Variants in GDAP2 observed in about 807,000 individuals in gnomAD.
GDAP2 encodes the protein ganglioside-induced differentiation-associated protein 2.
GDAP2 carries 51 observed loss-of-function variants against 67.0 expected under a neutral mutation model. That is an observed-to-expected ratio of 0.76 (90% CI 0.61 to 0.96). The LOEUF is 0.96. Ranked by LOEUF, GDAP2 falls within the 40% of genes least tolerant of loss-of-function variation. The pLI is 0.00. For synonymous variants in GDAP2, 203 were observed against 207.3 expected (o/e 0.98, Z 0.18); for missense variants, 547 against 588.3 (o/e 0.93, Z 0.73).
In GDAP2 at chr1:117,866,307, C is replaced by T. The variant is rs1418444876; in HGVS notation, c.*4262G>A. 6.6e-6 allele frequency: 1 copy of T among 152,168 alleles called. No individual in the cohort carries two copies. The highest frequency in any genetic ancestry group is 2.4e-5 in the African/African-American group (1 of 41,424). 9.4% of individuals were successfully genotyped at this position (152,168 alleles called of 1,614,324 possible). A position where few individuals can be genotyped will look rare whatever the true frequency, so the allele number is the denominator to read the frequency against. On this transcript the variant is annotated 3_prime_UTR_variant, in exon 14 of 14. Transcript: ENST00000369443. ...CAAGAAGCCAGAAGAGGGCCCTCAT[C>T]AGGAATTGCGCTGGATGGCACTTTG...
At chr1:117,892,878 C>A (rs1037231794) in intron 8 of GDAP2, among the ~76,000 whole-genome samples, 1 of 152,128 alleles carries the variant, frequency 6.6e-6, no homozygotes, top group South Asian at 2.1e-4. Context: ...TTAGCAGATG[C>A]TTTCCCAGAC....
chr1:117,892,014 G>A (rs939339582), intron 8 of GDAP2, among the ~76,000 whole-genome samples: 1 of 152,004 alleles, frequency 6.6e-6, no homozygotes, highest in Non-Finnish European at 1.5e-5. Flanking sequence ...ATATTTGTGG[G>A]GAGAAGTTTA....
rs879683616 is a variant in GDAP2, at chr1:117,864,792, G to A, written c.*5777C>T. ...TCAGTTTGAGAAAACTGGTCTACAC[G>A]GTCGGTCCTGCTTGTGAATGTCGTC... On this transcript the variant is annotated 3_prime_UTR_variant, in exon 14 of 14. Coordinates refer to ENST00000369443, the MANE Select transcript of GDAP2 (RefSeq NM_017686.4). The A allele has an allele frequency of 1.3e-5, 2 of 152,014 alleles. No homozygotes were observed. Among genetic ancestry groups the A allele is most frequent in the East Asian group, 1.9e-4 (1 of 5,176 alleles). 9.4% of individuals were successfully genotyped at this position (152,014 alleles called of 1,614,324 possible). A position where few individuals can be genotyped will look rare whatever the true frequency, so the allele number is the denominator to read the frequency against.
intron 8 of GDAP2, among the ~76,000 whole-genome samples, chr1:117,894,708 A>G (rs1035200393): frequency 5.3e-5 from 8 of 152,228 alleles, no homozygotes; most frequent in Admixed American, 2.0e-4. Context: ...TTTTTACTTC[A>G]AAGAATGACT....
chr1:117,885,244 C>G (rs1254146860), intron 10 of GDAP2, among the ~76,000 whole-genome samples: 1 of 151,968 alleles, frequency 6.6e-6, no homozygotes, highest in Non-Finnish European at 1.5e-5. Context: ...ATTCTCCACC[C>G]CCCACCCCAG....
chr1:117,924,795 T>C (rs1022827182), intron 1 of GDAP2, among the ~76,000 whole-genome samples: 10 of 152,186 alleles, frequency 6.6e-5, no homozygotes, highest in Non-Finnish European at 1.5e-4. Flanking sequence ...TGGTGTTTAG[T>C]CCATCAAATT....
At chr1:117,872,068 C>T (rs1212018249) in intron 13 of GDAP2, among the ~76,000 whole-genome samples, 4 of 151,914 alleles carry the variant, frequency 2.6e-5, no homozygotes, top group Admixed American at 6.6e-5. Context: ...ATATATATGG[C>T]CAACAAACAT....
chr1:117,906,583 C>A lies in GDAP2; in HGVS notation c.560-1G>T. 1 of 1,474,088 alleles carries A rather than the reference C, an allele frequency of 6.8e-7. No individual in the cohort carries two copies. 91.3% of individuals were successfully genotyped at this position (1,474,088 alleles called of 1,614,324 possible). On this transcript the variant is annotated splice_acceptor_variant, in intron 5 of 13. Transcript: ENST00000369443. LOFTEE classifies it high-confidence loss of function. ...ATCTCTAGGAATCTTCTTACAGTGC[C>A]TAAGGAAAAGAATAGAAAGATTACT...
At position 117,912,558 on chromosome 1, in the gene GDAP2, A is replaced by T; in HGVS notation, c.442T>A (p.Cys148Ser). Residue 148 changes from cysteine (C) to serine (S), a missense_variant, in exon 4 of 14, where the codon TGC becomes AGC. Coordinates refer to ENST00000369443, the MANE Select transcript of GDAP2 (RefSeq NM_017686.4). ...GCTAGTTGAAGTACGTTTCTGTAGC[A>T]GCTATAAAGGGAACTCTCAGCTGCT... ...RTAAESSLYSCYRNVLQLAKE... is the reference protein window; with the variant it reads ...RTAAESSLYSSYRNVLQLAKE... The T allele has an allele frequency of 8.7e-6, 14 of 1,613,606 alleles. No individual in the cohort carries two copies. Among genetic ancestry groups the T allele is most frequent in the Non-Finnish European group, 1.2e-5 (14 of 1,179,610 alleles).
intron 5 of GDAP2, among the ~76,000 whole-genome samples, chr1:117,909,597 A>C (rs1296577596): frequency 1.3e-5 from 2 of 152,214 alleles, no homozygotes; most frequent in Non-Finnish European, 2.9e-5. Flanking sequence ...AGCAAAAGGC[A>C]TCATCTTCTG....
chr1:117,870,404 G>C lies in GDAP2; in HGVS notation c.*165C>G. 1 of 606,206 alleles carries C rather than the reference G, an allele frequency of 1.6e-6. No individual in the cohort carries two copies. The highest frequency in any genetic ancestry group is 2.2e-5 in the South Asian group (1 of 45,326). The allele number at this position is 606,206 out of a possible 1,614,324, so 37.6% of individuals were successfully genotyped here. A position where few individuals can be genotyped will look rare whatever the true frequency, so the allele number is the denominator to read the frequency against. On this transcript the variant is annotated 3_prime_UTR_variant, in exon 14 of 14. Transcript: ENST00000369443. The stretch of plus-strand genomic sequence containing the variant: ...AGTTCAGAATGGCCTACCATTTTTA[G>C]ATTGCTTATGTGCCAGAAAATATAC...
At position 117,912,102 on chromosome 1, in the gene GDAP2, CA is replaced by C; in HGVS notation, c.471-21del. 1 of 1,419,592 alleles carries C rather than the reference CA, an allele frequency of 7.0e-7. No homozygotes were observed. The highest frequency in any genetic ancestry group is 1.0e-6 in the Non-Finnish European group (1 of 1,002,790). The allele number at this position is 1,419,592 out of a possible 1,614,324, so 87.9% of individuals were successfully genotyped here. Reference sequence around the variant, plus strand: ...TGCTCTCTGCAACAAAGGGAAAACACAAAAATTGCACTAGAAATATCAGTAA... The same window carrying C: ...TGCTCTCTGCAACAAAGGGAAAACACAAAATTGCACTAGAAATATCAGTAA... On this transcript the variant is annotated intron_variant, in intron 4 of 13. Transcript: ENST00000369443.
intron 11 of GDAP2, among the ~76,000 whole-genome samples, chr1:117,882,317 C>A (rs1250527270): frequency 1.3e-5 from 2 of 152,028 alleles, no homozygotes; most frequent in Non-Finnish European, 2.9e-5. Flanking sequence ...AATATTATAA[C>A]AGAATTTGCT....
intron 5 of GDAP2, among the ~76,000 whole-genome samples, chr1:117,909,270 C>G (rs564134884): frequency 7.9e-5 from 12 of 152,180 alleles, no homozygotes; most frequent in African/African-American, 2.9e-4. Flanking sequence ...ATTTTGTATA[C>G]AGCACATAGT....
intron 13 of GDAP2, among the ~76,000 whole-genome samples, chr1:117,873,699 C>T (rs999965700): frequency 1.3e-5 from 2 of 152,078 alleles, no homozygotes; most frequent in Non-Finnish European, 2.9e-5. Context: ...TCTGTCAATC[C>T]TTTTCCTCCA....
rs941806184 is a variant in GDAP2 at position 117,865,621 on chromosome 1, T to A, written c.*4948A>T. 2 of 152,134 alleles carry A rather than the reference T, an allele frequency of 1.3e-5. No individual in the cohort carries two copies. The highest frequency in any genetic ancestry group is 4.8e-5 in the African/African-American group (2 of 41,420). 9.4% of individuals were successfully genotyped at this position (152,134 alleles called of 1,614,324 possible). Reference sequence around the variant, plus strand: ...CAAAAAAAAAAGGTATGACTGTGTATATAAAATGTATTAGCTTTACTGTCC... The same window carrying A: ...CAAAAAAAAAAGGTATGACTGTGTAAATAAAATGTATTAGCTTTACTGTCC... On this transcript the variant is annotated 3_prime_UTR_variant, in exon 14 of 14. Coordinates refer to ENST00000369443, the MANE Select transcript of GDAP2 (RefSeq NM_017686.4).
intron 1 of GDAP2, among the ~76,000 whole-genome samples, chr1:117,925,814 A>C (rs1266966666): frequency 6.6e-6 from 1 of 152,188 alleles, no homozygotes; most frequent in Non-Finnish European, 1.5e-5. Context: ...ACTGGTGTCA[A>C]AACTGCATAG....
At chr1:117,924,990 G>C (rs1057106915) in intron 1 of GDAP2, among the ~76,000 whole-genome samples, 1 of 152,056 alleles carries the variant, frequency 6.6e-6, no homozygotes, top group African/African-American at 2.4e-5. Context: ...TTATGACAAT[G>C]AGTCATTGTC....
chr1:117,906,404 G>C, intron 6 of GDAP2, 102 bp downstream of exon 6: 1 of 672,030 alleles, frequency 1.5e-6, no homozygotes, highest in Non-Finnish European at 2.6e-6. Flanking sequence ...TAGATCATTA[G>C]GATTTGTCTG....
Sources: allele counts gnomAD v4.1 joint callset (sites outside exome capture counted in the v4.1 genomes callset), GRCh38; gene constraint gnomAD v4.1.1; transcripts MANE v1.5; gene names NCBI Gene and HGNC (gene_info 2026-07-23, HGNC 2026-07-21).